The following MBNL3 variants were observed in gnomAD, a reference collection of about 807,000 sequenced individuals.
MBNL3 encodes the protein muscleblind like splicing regulator 3, also known as muscleblind-like protein 3.
MBNL3 carries 6 observed loss-of-function variants against 24.5 expected under a neutral mutation model. The observed-to-expected ratio is 0.25, with a 90% confidence interval of 0.13 to 0.48. MBNL3 has a LOEUF of 0.48. Among genes scored for constraint, MBNL3 ranks in the 20% least tolerant of loss-of-function variants. MBNL3 has a pLI of 0.99. For synonymous variants in MBNL3, 100 were observed against 101.7 expected, an observed-to-expected ratio of 0.98 and a Z score of 0.10; for missense variants, 230 against 293.5, an observed-to-expected ratio of 0.78 and a Z score of 1.58.
At chrX:132,432,896 C>T (rs887948685) in intron 2 of MBNL3, 3 of 109,067 alleles carry the variant, frequency 2.8e-5, no homozygotes, top group Non-Finnish European at 3.8e-5. Flanking sequence ...TAACAACATA[C>T]AGAAAAGCTT....
At chrX:132,480,699 C>A (rs1318989964) in intron 1 of MBNL3, among the ~76,000 whole-genome samples, 1 of 112,095 alleles carries the variant, frequency 8.9e-6, no homozygotes, top group Non-Finnish European at 1.9e-5. Context: ...CTCCCCACTG[C>A]TTCATGAGAA....
intron 3 of MBNL3, among the ~76,000 whole-genome samples, chrX:132,403,203 G>A (rs1047137255): frequency 2.7e-5 from 3 of 111,634 alleles, no homozygotes; most frequent in African/African-American, 9.8e-5. Flanking sequence ...ACTGGTAAAT[G>A]TTACTTAAAA....
intron 1 of MBNL3, among the ~76,000 whole-genome samples, chrX:132,446,546 A>G (rs911096407): frequency 8.9e-6 from 1 of 112,397 alleles, no homozygotes; most frequent in Non-Finnish European, 1.9e-5. Flanking sequence ...GATCACAGAA[A>G]TGTCTTCTTT....
intron 8 of MBNL3, among the ~76,000 whole-genome samples, chrX:132,380,496 A>G (rs149989110): frequency 0.014 from 1,614 of 111,498 alleles, 12 homozygotes; most frequent in Non-Finnish European, 0.024. Context: ...TTTAATGTCC[A>G]GTCGGCTATC....
At chrX:132,489,674 C>T (rs1457865206), upstream of MBNL3, 1 of 97,316 alleles carries the variant, frequency 1.0e-5, no homozygotes, top group Non-Finnish European at 2.1e-5. Flanking sequence ...CTTTAGGCGC[C>T]AAAACGGAAA....
intron 3 of MBNL3, among the ~76,000 whole-genome samples, chrX:132,398,447 A>G (rs761397349): frequency 7.2e-5 from 8 of 111,784 alleles, no homozygotes; most frequent in Non-Finnish European, 1.1e-4. Context: ...TAACTTTAGT[A>G]TTCTAGTAGG....
At chrX:132,380,917 A>G (rs963571477) in intron 8 of MBNL3, among the ~76,000 whole-genome samples, 1 of 111,522 alleles carries the variant, frequency 9.0e-6, no homozygotes, top group Non-Finnish European at 1.9e-5. Context: ...TTACTAAATT[A>G]TGTCACTCAA....
At chrX:132,402,521 A>G (rs1011692396) in intron 3 of MBNL3, among the ~76,000 whole-genome samples, 8 of 111,735 alleles carry the variant, frequency 7.2e-5, no homozygotes, top group Non-Finnish European at 3.8e-5. Context: ...TTGCCTCATG[A>G]TTATGGCAAG....
intron 1 of MBNL3, among the ~76,000 whole-genome samples, chrX:132,486,813 T>C (rs1473637718): frequency 8.9e-6 from 1 of 111,819 alleles, no homozygotes. Context: ...TGTTGTGAAA[T>C]GCCTGAAGTG....
At chrX:132,400,155 T>C (rs1426218812) in intron 3 of MBNL3, among the ~76,000 whole-genome samples, 3 of 111,640 alleles carry the variant, frequency 2.7e-5, no homozygotes, top group Non-Finnish European at 5.6e-5. Context: ...CACACCAGCA[T>C]GGCACATGTA....
At chrX:132,451,960 C>T (rs913505727) in intron 1 of MBNL3, among the ~76,000 whole-genome samples, 6 of 111,636 alleles carry the variant, frequency 5.4e-5, no homozygotes, top group Admixed American at 1.9e-4. Context: ...AGTGAGACAA[C>T]GCCCCACCCT....
chrX:132,403,144 C>A (rs1941222880), intron 3 of MBNL3, among the ~76,000 whole-genome samples: 1 of 111,553 alleles, frequency 9.0e-6, no homozygotes, highest in African/African-American at 3.3e-5. Context: ...TATATTACTT[C>A]TGTAATAATA....
chrX:132,433,831 T>TCA (rs1944940640), intron 2 of MBNL3, among the ~76,000 whole-genome samples: 1 of 110,723 alleles, frequency 9.0e-6, no homozygotes, highest in Non-Finnish European at 1.9e-5. Context: ...TTGAGTTTCC[T>TCA]CACACACACC....
At position 132,406,298 on chromosome X, in the gene MBNL3, T is replaced by G. The variant is rs771697521; in HGVS notation, c.272A>C (p.Gln91Pro). 2.6e-5 allele frequency: 32 copies of G among 1,210,157 alleles called. No homozygotes were observed. The South Asian group carries it at 5.5e-4, about 21-fold the overall frequency. The change falls in exon 3 of 9, where the codon CAG becomes CCG. Residue 91 changes from glutamine (Q) to proline (P), a missense_variant. By Grantham distance (76) the Gln-to-Pro change is moderately conservative. Coordinates refer to ENST00000370853, the MANE Select transcript of MBNL3 (RefSeq NM_001386889.1). Reference protein sequence around the residue: ...EINGRNNLIQQKTAAAMFAQQ... With the variant: ...EINGRNNLIQPKTAAAMFAQQ... ...GGCGAACATGGCTGCGGCAGTCTTC[T>G]GTTGAATCAGATTGTTCCGCCCATT...
chrX:132,394,039 G>A (rs906315132), intron 3 of MBNL3, among the ~76,000 whole-genome samples: 5 of 111,429 alleles, frequency 4.5e-5, no homozygotes, highest in Non-Finnish European at 3.8e-5. Context: ...TATCAAATTA[G>A]CTGATTGGGA....
rs1042841718 is a variant in MBNL3, at chrX:132,439,641, C to T, written c.-30G>A. 3.4e-6 allele frequency: 4 copies of T among 1,171,331 alleles called. No individual in the cohort carries two copies. The highest frequency in any genetic ancestry group is 4.8e-5 in the Admixed American group (2 of 41,616). The stretch of plus-strand genomic sequence containing the variant: ...AAAGCAAAATTAAAATCCAATGTAC[C>T]CTCTTTAGGACAATATTACTGTGGA... On this transcript the variant is annotated 5_prime_UTR_variant, in exon 2 of 9. Coordinates refer to ENST00000370853, the MANE Select transcript of MBNL3 (RefSeq NM_001386889.1).
At chrX:132,487,790 T>C (rs1469318975) in intron 1 of MBNL3, among the ~76,000 whole-genome samples, 6 of 112,415 alleles carry the variant, frequency 5.3e-5, no homozygotes, top group Non-Finnish European at 1.1e-4. Flanking sequence ...GATGGAAATA[T>C]AATCAGGAAA....
rs1223327132 is a variant in MBNL3, at chrX:132,423,524, C to T, written c.177+15911G>A. ...GATTAGGCAAACAATTTAATGCTGA[C>T]CACAGCATTTCAGCACAGATGATCA... On this transcript the variant is annotated intron_variant, in intron 2 of 8. Coordinates refer to ENST00000370853, the MANE Select transcript of MBNL3 (RefSeq NM_001386889.1). Among the ~76,000 whole-genome samples the T allele has an allele frequency of 6.3e-5, 7 of 111,382 alleles. No individual in the cohort carries two copies. The Admixed American group carries it at 6.7e-4, about 11-fold the overall frequency.
In MBNL3 at chrX:132,371,431, A is replaced by G. The variant is rs1241657210; in HGVS notation, c.*8235T>C. The G allele has an allele frequency of 8.9e-6, 1 of 112,534 alleles. No homozygotes were observed. The highest frequency in any genetic ancestry group is 1.9e-5 in the Non-Finnish European group (1 of 53,282). The allele number at this position is 112,534 out of a possible 1,213,427, so 9.3% of individuals were successfully genotyped here. A position where few individuals can be genotyped will look rare whatever the true frequency, so the allele number is the denominator to read the frequency against. ...TACTAAATTACATTTACTTTCTTAA[A>G]GAACAAAAATGATCATCCTTTTATT... On this transcript the variant is annotated 3_prime_UTR_variant, in exon 9 of 9. Transcript: ENST00000370853.
Sources: gnomAD v4.1 joint callset for allele counts (sites outside exome capture counted in the v4.1 genomes callset) on GRCh38, gnomAD v4.1.1 for gene constraint, MANE v1.5 for transcripts, NCBI Gene and HGNC (gene_info 2026-07-23, HGNC 2026-07-21) for gene names.